Variants in DLG2 observed in about 807,000 individuals in gnomAD.
The protein encoded by DLG2 is disks large homolog 2.
A neutral mutation model predicts 132.5 loss-of-function variants in DLG2; 45 were observed. The ratio of observed to expected loss-of-function variants is 0.34; its 90% CI spans 0.27 to 0.44. The LOEUF is 0.44. Ranked by LOEUF, DLG2 falls within the 20% of genes least tolerant of loss-of-function variation. DLG2 has a pLI of 1.00. For missense variants in DLG2, 1,045 were observed against 1,196.9 expected (o/e 0.87, Z 1.87); for synonymous variants, 424 against 419.6 (o/e 1.01, Z -0.13).
intron 21 of DLG2, among the ~76,000 whole-genome samples, chr11:83,507,471 A>G (rs1352279465): frequency 1.6e-5 from 1 of 62,104 alleles, no homozygotes; most frequent in East Asian, 5.4e-4. Context: ...TATATACCCT[A>G]TATATATATA....
At chr11:84,830,304 G>A (rs1456751893) in intron 6 of DLG2, among the ~76,000 whole-genome samples, 1 of 151,102 alleles carries the variant, frequency 6.6e-6, no homozygotes, top group Non-Finnish European at 1.5e-5. Flanking sequence ...AAATGTAGGG[G>A]GTCTCTACCT....
chr11:84,771,611 C>T (rs958884771), intron 6 of DLG2, among the ~76,000 whole-genome samples: 3 of 152,078 alleles, frequency 2.0e-5, no homozygotes, highest in African/African-American at 7.2e-5. Context: ...TTTGTGGCAA[C>T]ACAATAATGG....
In DLG2 at chr11:85,464,902, G is replaced by A. The variant is rs138689971; in HGVS notation, c.40+133755C>T. The stretch of plus-strand genomic sequence containing the variant: ...AGCCTGGCCAACATGGTGACACCCC[G>A]TCTCTACTAAAAATACAAAAAATTA... On this transcript the variant is annotated intron_variant, in intron 3 of 27. Coordinates refer to ENST00000376104, the MANE Select transcript of DLG2 (RefSeq NM_001142699.3). 3.3e-3 allele frequency among the ~76,000 whole-genome samples: 499 copies of A among 150,784 alleles called. 3 individuals carry two copies. Among genetic ancestry groups the A allele is most frequent in the African/African-American group, 0.012 (482 of 41,092 alleles).
At chr11:84,954,807 T>C (rs1187913504) in intron 6 of DLG2, among the ~76,000 whole-genome samples, 1 of 152,162 alleles carries the variant, frequency 6.6e-6, no homozygotes, top group Non-Finnish European at 1.5e-5. Context: ...TCGACTGTAA[T>C]CAAGCACAGG....
chr11:85,165,639 C>G (rs2078384269), intron 4 of DLG2, among the ~76,000 whole-genome samples: 1 of 152,152 alleles, frequency 6.6e-6, no homozygotes, highest in South Asian at 2.1e-4. Flanking sequence ...GAACACCTTT[C>G]TACTTCATAG....
At chr11:84,538,449 T>A (rs558844926) in intron 6 of DLG2, among the ~76,000 whole-genome samples, 19 of 152,356 alleles carry the variant, frequency 1.2e-4, no homozygotes, top group African/African-American at 4.6e-4. Flanking sequence ...ACAGGAGTCA[T>A]ATTTGAACCC....
At chr11:83,494,021 A>ATGAC (rs1565464721) in intron 21 of DLG2, among the ~76,000 whole-genome samples, 1 of 152,098 alleles carries the variant, frequency 6.6e-6, no homozygotes, top group African/African-American at 2.4e-5. Context: ...CATGTTTCCT[A>ATGAC]TGACTGTCTA....
chr11:84,821,781 C>T (rs2077729716), intron 6 of DLG2, among the ~76,000 whole-genome samples: 1 of 151,318 alleles, frequency 6.6e-6, no homozygotes, highest in East Asian at 1.9e-4. Flanking sequence ...GAGTTAGAAA[C>T]ATAAAAGAAA....
At chr11:84,318,512 G>A (rs533721462) in intron 7 of DLG2, among the ~76,000 whole-genome samples, 1 of 152,224 alleles carries the variant, frequency 6.6e-6, no homozygotes, top group Admixed American at 6.5e-5. Context: ...CCAGGTGCTG[G>A]GGCAGTATAG....
chr11:84,655,738 G>GT (rs5793131), intron 6 of DLG2, among the ~76,000 whole-genome samples: 27,967 of 135,058 alleles, frequency 0.21, 2,876 homozygotes, highest in South Asian at 0.3. Flanking sequence ...TTTTTTGTTT[G>GT]TTTTTTTTTT....
chr11:85,022,089 G>A (rs2060125428), intron 6 of DLG2, among the ~76,000 whole-genome samples: 1 of 151,818 alleles, frequency 6.6e-6, no homozygotes, highest in South Asian at 2.1e-4. Flanking sequence ...TCATAAAATA[G>A]GAATGTAATA....
intron 19 of DLG2, among the ~76,000 whole-genome samples, chr11:83,591,927 A>G: frequency 7.0e-6 from 1 of 142,092 alleles, no homozygotes; most frequent in Middle Eastern, 3.5e-3. Flanking sequence ...TAGGAATCCA[A>G]CTTACAAGGG....
intron 6 of DLG2, among the ~76,000 whole-genome samples, chr11:84,560,093 C>A (rs972484250): frequency 3.3e-5 from 5 of 151,978 alleles, no homozygotes; most frequent in Non-Finnish European, 5.9e-5. Context: ...TTTGCATAAT[C>A]TTTTTAGATT....
intron 9 of DLG2, among the ~76,000 whole-genome samples, chr11:84,143,952 A>T (rs1271956617): frequency 6.6e-6 from 1 of 152,180 alleles, no homozygotes; most frequent in Non-Finnish European, 1.5e-5. Context: ...CAAAGTCTTG[A>T]TGAAGAAGAG....
chr11:84,333,448 C>G (rs1248178120), intron 7 of DLG2, among the ~76,000 whole-genome samples: 1 of 152,198 alleles, frequency 6.6e-6, no homozygotes, highest in Non-Finnish European at 1.5e-5. Context: ...TTACTGATCT[C>G]TGCTGTATGC....
intron 7 of DLG2, among the ~76,000 whole-genome samples, chr11:84,366,467 T>G (rs1374394448): frequency 1.3e-5 from 2 of 151,634 alleles, no homozygotes; most frequent in African/African-American, 2.4e-5. Context: ...ATAACAATAT[T>G]AACTTAAAAT....
chr11:84,461,931 A>T (rs2099081383), intron 7 of DLG2, among the ~76,000 whole-genome samples: 1 of 150,856 alleles, frequency 6.6e-6, no homozygotes, highest in Non-Finnish European at 1.5e-5. Context: ...TGAATGGGTG[A>T]ATGAGTCTCT....
chr11:84,598,933 G>GCTTC (rs2099569628), intron 6 of DLG2, among the ~76,000 whole-genome samples: 1 of 150,218 alleles, frequency 6.7e-6, no homozygotes, highest in East Asian at 2.0e-4. Context: ...GGCAGAGTGA[G>GCTTC]ACCCTGCCTC....
intron 3 of DLG2, among the ~76,000 whole-genome samples, chr11:85,432,372 C>T (rs906505770): frequency 3.3e-5 from 5 of 152,120 alleles, no homozygotes; most frequent in African/African-American, 7.2e-5. Context: ...TAATAACAAA[C>T]TTCACTGAGG....
Sources: allele counts gnomAD v4.1 joint callset (sites outside exome capture counted in the v4.1 genomes callset), GRCh38; gene constraint gnomAD v4.1.1; transcripts MANE v1.5; gene names NCBI Gene and HGNC (gene_info 2026-07-23, HGNC 2026-07-21).